Variants in GABRB1 observed in about 807,000 individuals in gnomAD.
GABRB1 encodes the protein gamma-aminobutyric acid receptor subunit beta-1.
A neutral mutation model predicts 51.6 loss-of-function variants in GABRB1; 17 were observed. The ratio of observed to expected loss-of-function variants is 0.33; its 90% CI spans 0.23 to 0.49. The LOEUF (loss-of-function observed/expected upper bound fraction) is 0.49. GABRB1 is among the 20% of genes least tolerant of loss of function. The pLI is 0.99. For missense variants in GABRB1, 410 were observed against 600.6 expected (o/e 0.68, Z 3.32); for synonymous variants, 247 against 218.9 (o/e 1.13, Z -1.14).
At chr4:47,018,075 CCTT>C (rs576755508) in intron 1 of GABRB1, among the ~76,000 whole-genome samples, 17 of 151,876 alleles carry the variant, frequency 1.1e-4, no homozygotes, top group African/African-American at 3.4e-4. Context: ...TCCTCCTCCT[CCTT>C]CTTCTTCTCC....
At chr4:47,216,318 C>T (rs560474124) in intron 4 of GABRB1, among the ~76,000 whole-genome samples, 2 of 151,810 alleles carry the variant, frequency 1.3e-5, no homozygotes, top group South Asian at 4.2e-4. Context: ...GTGTCTGAGA[C>T]CAATCATAAA....
At chr4:47,274,973 T>A (rs1412890989) in intron 4 of GABRB1, among the ~76,000 whole-genome samples, 1 of 152,194 alleles carries the variant, frequency 6.6e-6, no homozygotes, top group Non-Finnish European at 1.5e-5. Context: ...AAATCTGTTT[T>A]CAAATTGTAT....
At chr4:47,047,797 G>A (rs981517750) in intron 3 of GABRB1, among the ~76,000 whole-genome samples, 1 of 152,114 alleles carries the variant, frequency 6.6e-6, no homozygotes, top group Non-Finnish European at 1.5e-5. Context: ...AAGGTACAAA[G>A]TGTTATTAAT....
At chr4:47,013,227 A>G in intron 1 of GABRB1, among the ~76,000 whole-genome samples, 1 of 151,934 alleles carries the variant, frequency 6.6e-6, no homozygotes, top group African/African-American at 2.4e-5. Context: ...TAACTAAATA[A>G]TTTGTGTTCC....
At chr4:47,081,483 T>C (rs184291892) in intron 3 of GABRB1, among the ~76,000 whole-genome samples, 7 of 152,296 alleles carry the variant, frequency 4.6e-5, no homozygotes, top group Admixed American at 3.9e-4. Context: ...TATTACAACT[T>C]CTTTTTGTTC....
At chr4:47,404,015 T>A (rs1274626290) in intron 7 of GABRB1, among the ~76,000 whole-genome samples, 5 of 152,232 alleles carry the variant, frequency 3.3e-5, no homozygotes, top group Non-Finnish European at 7.4e-5. Context: ...AACTTTGGGA[T>A]GACTTCCCCT....
At chr4:47,049,779 A>AT (rs1355847929) in intron 3 of GABRB1, among the ~76,000 whole-genome samples, 3 of 152,236 alleles carry the variant, frequency 2.0e-5, no homozygotes, top group Non-Finnish European at 4.4e-5. Context: ...CAGTATATTT[A>AT]TAAAGTAGAA....
intron 5 of GABRB1, among the ~76,000 whole-genome samples, chr4:47,323,881 T>C (rs983479007): frequency 2.6e-5 from 4 of 152,360 alleles, no homozygotes; most frequent in African/African-American, 9.6e-5. Context: ...AATAGCTCTG[T>C]AGCCCTGGGA....
chr4:47,010,494 C>T (rs78234890), intron 1 of GABRB1, among the ~76,000 whole-genome samples: 87 of 152,288 alleles, frequency 5.7e-4, no homozygotes, highest in Non-Finnish European at 1.1e-3. Flanking sequence ...GATTGCATAA[C>T]AATGATTGTG....
intron 8 of GABRB1, among the ~76,000 whole-genome samples, chr4:47,417,580 G>T (rs978452974): frequency 3.3e-5 from 5 of 152,270 alleles, no homozygotes; most frequent in African/African-American, 1.2e-4. Context: ...ATGAAGGCTG[G>T]GCTGTTGCAA....
chr4:47,312,630 G>A (rs1328461992), intron 4 of GABRB1, among the ~76,000 whole-genome samples: 1 of 151,994 alleles, frequency 6.6e-6, no homozygotes, highest in African/African-American at 2.4e-5. Flanking sequence ...GTATAAATAG[G>A]GTTCAGCATT....
At chr4:47,153,552 G>A (rs1405858082) in intron 3 of GABRB1, among the ~76,000 whole-genome samples, 2 of 152,012 alleles carry the variant, frequency 1.3e-5, no homozygotes, top group African/African-American at 4.8e-5. Context: ...CTAAAACTCT[G>A]TGCTATATTA....
intron 3 of GABRB1, among the ~76,000 whole-genome samples, chr4:47,066,183 TAC>T (rs1727072277): frequency 2.0e-5 from 3 of 152,236 alleles, no homozygotes; most frequent in Non-Finnish European, 4.4e-5. Flanking sequence ...TACACTATAT[TAC>T]AGTCTATTAA....
chr4:47,182,329 G>T (rs1233245493), intron 4 of GABRB1, among the ~76,000 whole-genome samples: 2 of 151,840 alleles, frequency 1.3e-5, no homozygotes, highest in African/African-American at 4.8e-5. Flanking sequence ...GAGATTCATG[G>T]TTTCACACTG....
At chr4:47,138,149 C>T (rs1413762241) in intron 3 of GABRB1, among the ~76,000 whole-genome samples, 2 of 152,016 alleles carry the variant, frequency 1.3e-5, no homozygotes, top group Non-Finnish European at 2.9e-5. Context: ...GTCTTCAGTT[C>T]TTAAGACAAT....
At chr4:47,029,652 T>C (rs1461371266), upstream of GABRB1, among the ~76,000 whole-genome samples, 3 of 152,078 alleles carry the variant, frequency 2.0e-5, no homozygotes, top group South Asian at 2.1e-4. Context: ...TTCTCCTATA[T>C]AGTTTAAAGT....
intron 4 of GABRB1, among the ~76,000 whole-genome samples, chr4:47,263,188 TATA>T (rs1316539993): frequency 2.8e-5 from 4 of 143,748 alleles, no homozygotes; most frequent in African/African-American, 8.1e-5. Context: ...AAACTTAAAG[TATA>T]ATAATAATAA....
intron 3 of GABRB1, among the ~76,000 whole-genome samples, chr4:47,089,289 A>G (rs1728201580): frequency 6.6e-6 from 1 of 152,152 alleles, no homozygotes; most frequent in Non-Finnish European, 1.5e-5. Flanking sequence ...TTCTTGCCCC[A>G]GTAAATCCCC....
At chr4:47,009,834 G>A (rs1267194635) in intron 1 of GABRB1, among the ~76,000 whole-genome samples, 2 of 152,178 alleles carry the variant, frequency 1.3e-5, no homozygotes, top group East Asian at 3.8e-4. Flanking sequence ...CTTCAGCCTG[G>A]AACGGAAATA....
Sources: gnomAD v4.1 joint callset for allele counts (sites outside exome capture counted in the v4.1 genomes callset) on GRCh38, gnomAD v4.1.1 for gene constraint, MANE v1.5 for transcripts, NCBI Gene and HGNC (gene_info 2026-07-23, HGNC 2026-07-21) for gene names.